Variants in ADAMTS3 observed in about 807,000 individuals in gnomAD.
The protein encoded by ADAMTS3 is A disintegrin and metalloproteinase with thrombospondin motifs 3.
Under a neutral mutation model 129.0 loss-of-function variants are expected in ADAMTS3, and 73 were observed. The ratio of observed to expected loss-of-function variants is 0.57; its 90% CI spans 0.47 to 0.69. ADAMTS3 has a LOEUF of 0.69. Among genes scored for constraint, ADAMTS3 ranks in the 30% least tolerant of loss-of-function variants. ADAMTS3 has a pLI of 0.00. For synonymous variants in ADAMTS3, 477 were observed against 510.8 expected (o/e 0.93, Z 0.89); for missense variants, 1,457 against 1,514.5 (o/e 0.96, Z 0.63).
chr4:72,427,649 GA>G (rs544265050), intron 3 of ADAMTS3, among the ~76,000 whole-genome samples: 74 of 151,980 alleles, frequency 4.9e-4, no homozygotes, highest in African/African-American at 1.6e-3. Flanking sequence ...AAAAAAAGAA[GA>G]AAAAAAGAAG....
rs72852065 is a variant in ADAMTS3, at chr4:72,429,092, T to C, written c.505-14121A>G. On this transcript the variant is annotated intron_variant, in intron 3 of 21. Transcript: ENST00000286657. ...CAGTTTTAACAAGTACTTCAGATGC[T>C]ACAAATAGTAGTTGCCTGGAAATCA... Among the ~76,000 whole-genome samples the C allele has an allele frequency of 7.5e-3, 1,141 of 152,172 alleles. 26 individuals carry two copies. The highest frequency in any genetic ancestry group is 0.026 in the African/African-American group (1,085 of 41,554).
At chr4:72,321,814 T>TGTA (rs1719563205) in intron 6 of ADAMTS3, among the ~76,000 whole-genome samples, 1 of 152,102 alleles carries the variant, frequency 6.6e-6, no homozygotes, top group Admixed American at 6.6e-5. Context: ...TTCATGCTAC[T>TGTA]GAAGAGGGGT....
At chr4:72,507,018 AC>A (rs1224787500) in intron 3 of ADAMTS3, among the ~76,000 whole-genome samples, 2 of 152,214 alleles carry the variant, frequency 1.3e-5, no homozygotes, top group Non-Finnish European at 2.9e-5. Flanking sequence ...ACTGTAGTGT[AC>A]CACTCCATAT....
chr4:72,495,736 T>TAC (rs397790680), intron 3 of ADAMTS3, among the ~76,000 whole-genome samples: 1 of 151,622 alleles, frequency 6.6e-6, no homozygotes. Context: ...CCTATATATA[T>TAC]TAAATGTGCT....
intron 17 of ADAMTS3, among the ~76,000 whole-genome samples, chr4:72,299,248 T>C (rs1424093851): frequency 6.6e-6 from 1 of 151,998 alleles, no homozygotes; most frequent in Non-Finnish European, 1.5e-5. Flanking sequence ...GGCTGAATGA[T>C]GGGAACTTGC....
chr4:72,495,371 G>A (rs910141135), intron 3 of ADAMTS3, among the ~76,000 whole-genome samples: 1 of 152,104 alleles, frequency 6.6e-6, no homozygotes, highest in Non-Finnish European at 1.5e-5. Context: ...TGGGGAAGAA[G>A]GTGCAGCTGT....
intron 3 of ADAMTS3, among the ~76,000 whole-genome samples, chr4:72,432,808 A>G (rs1722730979): frequency 6.6e-6 from 1 of 151,988 alleles, no homozygotes; most frequent in Admixed American, 6.6e-5. Context: ...GTACATATAC[A>G]TCACAGCAAA....
At chr4:72,320,169 C>T (rs1267336107) in intron 7 of ADAMTS3, among the ~76,000 whole-genome samples, 1 of 152,148 alleles carries the variant, frequency 6.6e-6, no homozygotes, top group Non-Finnish European at 1.5e-5. Flanking sequence ...GCATTTTCTC[C>T]TTTCCTAAGG....
rs368521538 is a variant in ADAMTS3, at chr4:72,436,769, C to T, written c.505-21798G>A. Among the ~76,000 whole-genome samples, 49 of 152,000 alleles carry T rather than the reference C, an allele frequency of 3.2e-4. No homozygotes were observed. In the East Asian group the frequency reaches 7.2e-3, roughly 22 times the overall value. ...ACTATCGCAAGGACAGAAAACCAAA[C>T]ACCGCATGTTCTCACTCATAGGTGG... is the stretch of plus-strand genomic sequence containing the variant. On this transcript the variant is annotated intron_variant, in intron 3 of 21. Transcript: ENST00000286657.
At chr4:72,361,246 G>A (rs764536648) in intron 4 of ADAMTS3, among the ~76,000 whole-genome samples, 13 of 152,000 alleles carry the variant, frequency 8.6e-5, no homozygotes, top group Non-Finnish European at 1.9e-4. Flanking sequence ...TGCTTCATCT[G>A]TAACAATGAA....
intron 3 of ADAMTS3, among the ~76,000 whole-genome samples, chr4:72,471,386 T>C (rs1198787162): frequency 2.0e-5 from 3 of 152,124 alleles, no homozygotes; most frequent in Non-Finnish European, 2.9e-5. Flanking sequence ...AAGTGCAACA[T>C]AGATTTTAAT....
chr4:72,530,649 A>G (rs1237466569), intron 3 of ADAMTS3, among the ~76,000 whole-genome samples: 9 of 75,496 alleles, frequency 1.2e-4, no homozygotes, highest in African/African-American at 4.6e-4. Flanking sequence ...ATTATATATA[A>G]TATTATATAT....
intron 2 of ADAMTS3, among the ~76,000 whole-genome samples, chr4:72,562,775 C>T (rs1721932749): frequency 6.6e-6 from 1 of 152,176 alleles, no homozygotes; most frequent in East Asian, 1.9e-4. Context: ...AGAAAAAATT[C>T]AACAACTTAT....
intron 3 of ADAMTS3, among the ~76,000 whole-genome samples, chr4:72,439,691 A>G (rs1033300585): frequency 2.0e-5 from 3 of 151,744 alleles, no homozygotes; most frequent in South Asian, 2.1e-4. Context: ...TGAATTGGCA[A>G]CAGACATTCA....
At chr4:72,406,868 G>A (rs1320801375) in intron 4 of ADAMTS3, among the ~76,000 whole-genome samples, 1 of 152,148 alleles carries the variant, frequency 6.6e-6, no homozygotes, top group Non-Finnish European at 1.5e-5. Flanking sequence ...AATAATATGT[G>A]TAAGTCTGAG....
intron 3 of ADAMTS3, among the ~76,000 whole-genome samples, chr4:72,460,311 CA>C (rs1175417808): frequency 1.3e-5 from 2 of 151,546 alleles, no homozygotes; most frequent in Admixed American, 1.3e-4. Context: ...TTATGTACCA[CA>C]TAGTATATGA....
chr4:72,525,694 C>T (rs1303307824), intron 3 of ADAMTS3, among the ~76,000 whole-genome samples: 6 of 152,180 alleles, frequency 3.9e-5, no homozygotes, highest in African/African-American at 1.4e-4. Flanking sequence ...TCACACCCTT[C>T]CTGAGCTATG....
rs1053268018 is a variant in ADAMTS3 at position 72,283,064 on chromosome 4, A to G, written c.*72T>C. The G allele has an allele frequency of 3.2e-6, 4 of 1,266,560 alleles. No homozygotes were observed. Among genetic ancestry groups the G allele is most frequent in the South Asian group, 1.5e-5 (1 of 68,484 alleles). The allele number at this position is 1,266,560 out of a possible 1,614,324, so 78.5% of individuals were successfully genotyped here. A position where few individuals can be genotyped will look rare whatever the true frequency, so the allele number is the denominator to read the frequency against. ...TCTATAGAGATTTCCACTTTAAACA[A>G]GCATATGCACCATGGGAAGAGAGAG... On this transcript the variant is annotated 3_prime_UTR_variant, in exon 22 of 22. Coordinates refer to ENST00000286657, the MANE Select transcript of ADAMTS3 (RefSeq NM_014243.3).
chr4:72,290,845 A>T lies in ADAMTS3; in HGVS notation c.2931+10T>A. 1 of 1,613,250 alleles carries T rather than the reference A, an allele frequency of 6.2e-7. No homozygotes were observed. The highest frequency in any genetic ancestry group is 1.3e-5 in the African/African-American group (1 of 75,008). ...CTTTACTTATGCATGCACGGAATTC[A>T]CACACCTACCTCACTCCAGGGTCCT... On this transcript the variant is annotated intron_variant, in intron 20 of 21. Coordinates refer to ENST00000286657, the MANE Select transcript of ADAMTS3 (RefSeq NM_014243.3).
Sources: allele counts gnomAD v4.1 joint callset (sites outside exome capture counted in the v4.1 genomes callset), GRCh38; gene constraint gnomAD v4.1.1; transcripts MANE v1.5; gene names NCBI Gene and HGNC (gene_info 2026-07-23, HGNC 2026-07-21).